CNTN3: variants seen among roughly 807,000 people sequenced by gnomAD.
The protein encoded by CNTN3 is contactin 3.
CNTN3 carries 60 observed loss-of-function variants against 119.1 expected under a neutral mutation model. The observed-to-expected ratio is 0.50, with a 90% CI of 0.41 to 0.62. The LOEUF is 0.62. Ranked by LOEUF, CNTN3 falls within the 20% of genes least tolerant of loss-of-function variation. CNTN3 has a pLI of 0.00. For missense variants in CNTN3, 1,101 were observed against 1,242.4 expected (o/e 0.89, Z 1.71); for synonymous variants, 450 against 438.7 (o/e 1.03, Z -0.32).
At chr3:74,418,997 A>G (rs1205568540) in intron 5 of CNTN3, among the ~76,000 whole-genome samples, 1 of 148,486 alleles carries the variant, frequency 6.7e-6, no homozygotes, top group South Asian at 2.2e-4. Context: ...CAGTTTCGCC[A>G]TGTTGCCCAG....
intron 1 of CNTN3, among the ~76,000 whole-genome samples, chr3:74,611,941 A>G (rs1199189954): frequency 6.6e-6 from 1 of 152,194 alleles, no homozygotes; most frequent in African/African-American, 2.4e-5. Context: ...ACTACATAAA[A>G]TTAACATTAG....
At chr3:74,592,852 A>G (rs1353001104) in intron 1 of CNTN3, among the ~76,000 whole-genome samples, 1 of 151,972 alleles carries the variant, frequency 6.6e-6, no homozygotes, top group African/African-American at 2.4e-5. Context: ...AACTCCCCAA[A>G]AAGAGATTCT....
chr3:74,397,628 G>A (rs1352005039), intron 5 of CNTN3, among the ~76,000 whole-genome samples: 1 of 152,090 alleles, frequency 6.6e-6, no homozygotes, highest in Non-Finnish European at 1.5e-5. Flanking sequence ...TCAAGTGAAA[G>A]GAAGAATAAA....
At position 74,506,212 on chromosome 3, in the gene CNTN3, C is replaced by T. The variant is rs146607807; in HGVS notation, c.56-6427G>A. On this transcript the variant is annotated intron_variant, in intron 2 of 22. Transcript: ENST00000263665. Reference sequence around the variant, plus strand: ...TGGCACTTTGCTTTCATAAATTAATCGCAGAGTTTGATTTAAAGGTATGAT... The same window carrying T: ...TGGCACTTTGCTTTCATAAATTAATTGCAGAGTTTGATTTAAAGGTATGAT... 3.9e-3 allele frequency among the ~76,000 whole-genome samples: 592 copies of T among 152,202 alleles called. 17 individuals carry two copies. The highest frequency in any genetic ancestry group is 0.031 in the Admixed American group (481 of 15,272).
intron 5 of CNTN3, among the ~76,000 whole-genome samples, chr3:74,392,354 A>G (rs977492745): frequency 7.2e-5 from 11 of 151,950 alleles, no homozygotes; most frequent in Non-Finnish European, 1.3e-4. Flanking sequence ...TCTTTTTGCC[A>G]TTCTTCTTTA....
chr3:74,333,342 T>C (rs1252303847), intron 13 of CNTN3, among the ~76,000 whole-genome samples: 3 of 152,248 alleles, frequency 2.0e-5, no homozygotes, highest in East Asian at 3.8e-4. Context: ...TTCTGATGGC[T>C]GGAAGTCTGA....
intron 4 of CNTN3, among the ~76,000 whole-genome samples, chr3:74,457,445 C>A (rs1430520933): frequency 6.6e-6 from 1 of 151,954 alleles, no homozygotes; most frequent in Non-Finnish European, 1.5e-5. Flanking sequence ...ACTTAATAAT[C>A]TCATCTGTAG....
At chr3:74,286,753 CA>C (rs1237586943) in intron 19 of CNTN3, among the ~76,000 whole-genome samples, 7 of 152,178 alleles carry the variant, frequency 4.6e-5, no homozygotes, top group Non-Finnish European at 4.4e-5. Flanking sequence ...AAATCCACTC[CA>C]GGGGAGAGGG....
chr3:74,298,022 C>T lies in CNTN3; in HGVS notation c.2336G>A (p.Gly779Asp). 1 of 1,614,048 alleles carries T rather than the reference C, an allele frequency of 6.2e-7. No homozygotes were observed. The highest frequency in any genetic ancestry group is 8.5e-7 in the Non-Finnish European group (1 of 1,179,966). Residue 779 changes from glycine (G) to aspartate (D), a missense_variant, in exon 18 of 23, where the codon GGT becomes GAT. By Grantham distance (94) the Gly-to-Asp change is moderately conservative. Coordinates refer to ENST00000263665, the MANE Select transcript of CNTN3 (RefSeq NM_020872.3). ...TCCTTCACCTTTGTTATTATAAACA[C>T]CCACTTTAACTTCATATGGTGAATA... The part of the protein sequence containing the change: ...VPYSPYEVKV[G>D]VYNNKGEGPF...
intron 5 of CNTN3, among the ~76,000 whole-genome samples, chr3:74,376,632 C>T (rs756910017): frequency 6.6e-6 from 1 of 151,932 alleles, no homozygotes; most frequent in South Asian, 2.1e-4. Context: ...GTAATAATAA[C>T]AGAAATAAAG....
At chr3:74,590,923 CTATAAA>C (rs1704691936) in intron 1 of CNTN3, among the ~76,000 whole-genome samples, 1 of 151,878 alleles carries the variant, frequency 6.6e-6, no homozygotes, top group South Asian at 2.1e-4. Context: ...CACTGTGATG[CTATAAA>C]TATATACAAA....
intron 4 of CNTN3, among the ~76,000 whole-genome samples, chr3:74,461,899 A>G (rs1702374416): frequency 6.6e-6 from 1 of 152,112 alleles, no homozygotes; most frequent in Non-Finnish European, 1.5e-5. Context: ...ATGGATATTA[A>G]GCAAACTATG....
At chr3:74,555,554 G>T (rs1462677496) in intron 1 of CNTN3, among the ~76,000 whole-genome samples, 1 of 152,018 alleles carries the variant, frequency 6.6e-6, no homozygotes, top group African/African-American at 2.4e-5. Context: ...GAATTTTTTT[G>T]GTTGGTAGGC....
At chr3:74,413,265 T>A (rs1382408630) in intron 5 of CNTN3, among the ~76,000 whole-genome samples, 1 of 152,210 alleles carries the variant, frequency 6.6e-6, no homozygotes, top group Non-Finnish European at 1.5e-5. Context: ...AGAGGGTACA[T>A]GGATAGGAAA....
chr3:74,444,036 C>T (rs115727587), intron 4 of CNTN3, among the ~76,000 whole-genome samples: 1 of 152,114 alleles, frequency 6.6e-6, no homozygotes, highest in Non-Finnish European at 1.5e-5. Flanking sequence ...TAGTTGCTGG[C>T]AAACTTTGGT....
chr3:74,570,575 G>A (rs1351700808), intron 1 of CNTN3, among the ~76,000 whole-genome samples: 2 of 150,906 alleles, frequency 1.3e-5, no homozygotes, highest in East Asian at 1.9e-4. Flanking sequence ...TACCTGGGAT[G>A]ACTGGCAGTG....
At chr3:74,328,690 T>A (rs1703187811) in intron 13 of CNTN3, among the ~76,000 whole-genome samples, 1 of 152,296 alleles carries the variant, frequency 6.6e-6, no homozygotes, top group Middle Eastern at 3.4e-3. Context: ...ATTTGCCTGG[T>A]TGAATAAATG....
intron 11 of CNTN3, among the ~76,000 whole-genome samples, chr3:74,350,215 C>T (rs1703781942): frequency 6.6e-6 from 1 of 152,060 alleles, no homozygotes; most frequent in Admixed American, 6.6e-5. Flanking sequence ...CTGTACTTAC[C>T]TTTCTTTTCA....
chr3:74,561,072 T>C (rs555458149), intron 1 of CNTN3, among the ~76,000 whole-genome samples: 31 of 150,806 alleles, frequency 2.1e-4, no homozygotes, highest in African/African-American at 7.6e-4. Flanking sequence ...ATATAACTAA[T>C]GTAAATGACG....
Sources: gnomAD v4.1 joint callset for allele counts (sites outside exome capture counted in the v4.1 genomes callset) on GRCh38, gnomAD v4.1.1 for gene constraint, MANE v1.5 for transcripts, NCBI Gene and HGNC (gene_info 2026-07-23, HGNC 2026-07-21) for gene names.